Variants in CDH12 observed in about 807,000 individuals in gnomAD.
CDH12 encodes the protein cadherin 12.
Under a neutral mutation model 74.1 loss-of-function variants are expected in CDH12, and 41 were observed. That is an observed-to-expected ratio of 0.55 (90% confidence interval 0.43 to 0.72). The LOEUF is 0.72. Ranked by LOEUF, CDH12 falls within the 30% of genes least tolerant of loss-of-function variation. CDH12 has a pLI of 0.00. For missense variants in CDH12, 945 were observed against 977.2 expected (o/e 0.97, Z 0.44); for synonymous variants, 399 against 355.0 (o/e 1.12, Z -1.39).
In CDH12 at chr5:22,609,782, T is replaced by C. The variant is rs192157189; in HGVS notation, c.-522-104418A>G. On this transcript the variant is annotated intron_variant, in intron 1 of 14. Coordinates refer to ENST00000382254, the MANE Select transcript of CDH12 (RefSeq NM_004061.5). ...TTCCTTAAGTCTTCGGTAAAGTGTG[T>C]CATCTACTCAATGCTGTCTGTTTGT... Among the ~76,000 whole-genome samples, 16 of 152,376 alleles carry C rather than the reference T, an allele frequency of 1.1e-4. No homozygotes were observed. The East Asian group carries it at 2.9e-3, about 28-fold the overall frequency.
At position 21,884,886 on chromosome 5, in the gene CDH12, T is replaced by G. The variant is rs140217930; in HGVS notation, c.527-30096A>C. On this transcript the variant is annotated intron_variant, in intron 6 of 14. Transcript: ENST00000382254. ...TATTATAAAAGGCCCTGTTTTTTGCTTGTTTGCTTGTTTGTTGAGATGGAG... is the reference window on the plus strand; with the variant it reads ...TATTATAAAAGGCCCTGTTTTTTGCGTGTTTGCTTGTTTGTTGAGATGGAG... 2.2e-4 allele frequency among the ~76,000 whole-genome samples: 33 copies of G among 151,882 alleles called. No homozygotes were observed. In the East Asian group the frequency reaches 5.3e-3, roughly 24 times the overall value.
rs567867044 is a variant in CDH12 at position 21,891,064 on chromosome 5, T to C, written c.527-36274A>G. Reference sequence around the variant, plus strand: ...GCCTAAAATTTATGATATGTCAATATATCTACCACATACCTTTCCAAAGGA... The same window carrying C: ...GCCTAAAATTTATGATATGTCAATACATCTACCACATACCTTTCCAAAGGA... On this transcript the variant is annotated intron_variant, in intron 6 of 14. Coordinates refer to ENST00000382254, the MANE Select transcript of CDH12 (RefSeq NM_004061.5). Among the ~76,000 whole-genome samples the C allele has an allele frequency of 3.9e-5, 6 of 152,224 alleles. No homozygotes were observed. In the East Asian group the frequency reaches 7.7e-4, roughly 20 times the overall value.
At chr5:22,681,307 A>G (rs1741481848) in intron 1 of CDH12, among the ~76,000 whole-genome samples, 3 of 149,498 alleles carry the variant, frequency 2.0e-5, no homozygotes, top group African/African-American at 7.4e-5. Context: ...CTAACTATTG[A>G]AGGTTAATTT....
At chr5:22,487,692 A>C (rs1334637817) in intron 2 of CDH12, among the ~76,000 whole-genome samples, 1 of 152,162 alleles carries the variant, frequency 6.6e-6, no homozygotes, top group African/African-American at 2.4e-5. Flanking sequence ...GACTAATGGC[A>C]AAAAAATCAG....
chr5:22,516,226 A>C (rs1736801165), intron 1 of CDH12, among the ~76,000 whole-genome samples: 1 of 152,184 alleles, frequency 6.6e-6, no homozygotes, highest in Non-Finnish European at 1.5e-5. Flanking sequence ...ACTGACAAAA[A>C]TATAAATTAG....
At chr5:22,272,457 C>T (rs1316834532) in intron 3 of CDH12, among the ~76,000 whole-genome samples, 2 of 152,166 alleles carry the variant, frequency 1.3e-5, no homozygotes, top group African/African-American at 4.8e-5. Context: ...TGAAGTAGAT[C>T]TTTTAATATG....
chr5:22,550,753 A>G (rs2126732901), intron 1 of CDH12, among the ~76,000 whole-genome samples: 1 of 152,284 alleles, frequency 6.6e-6, no homozygotes, highest in South Asian at 2.1e-4. Flanking sequence ...TTTTCTGCTG[A>G]AAATATTTGT....
At chr5:22,450,966 G>T (rs1189380087) in intron 2 of CDH12, among the ~76,000 whole-genome samples, 1 of 145,292 alleles carries the variant, frequency 6.9e-6, no homozygotes, top group Non-Finnish European at 1.5e-5. Flanking sequence ...AGCTTAACAT[G>T]CCTGTTTCAT....
chr5:22,599,289 G>A (rs1241442914), intron 1 of CDH12, among the ~76,000 whole-genome samples: 14 of 152,116 alleles, frequency 9.2e-5, no homozygotes, highest in Admixed American at 9.2e-4. Context: ...ATACTGGGCT[G>A]GTGATAAGAT....
intron 5 of CDH12, among the ~76,000 whole-genome samples, chr5:22,047,982 T>C (rs972765952): frequency 6.6e-6 from 1 of 152,138 alleles, no homozygotes; most frequent in Non-Finnish European, 1.5e-5. Flanking sequence ...TTGAGAGACT[T>C]CATATTGTTT....
chr5:22,402,535 G>T (rs1007017270), intron 3 of CDH12, among the ~76,000 whole-genome samples: 2 of 152,192 alleles, frequency 1.3e-5, no homozygotes, highest in Non-Finnish European at 2.9e-5. Context: ...CAAGTGAGGT[G>T]TTGAGGGTGA....
intron 5 of CDH12, among the ~76,000 whole-genome samples, chr5:22,075,631 T>C (rs1170626353): frequency 1.3e-5 from 2 of 152,082 alleles, no homozygotes; most frequent in Non-Finnish European, 2.9e-5. Flanking sequence ...GTTATATGTA[T>C]TCTAACATGT....
At chr5:22,693,582 G>T (rs370537706) in intron 1 of CDH12, among the ~76,000 whole-genome samples, 1 of 151,734 alleles carries the variant, frequency 6.6e-6, no homozygotes, top group Non-Finnish European at 1.5e-5. Flanking sequence ...AACATTATTC[G>T]TAATGTTGTA....
intron 1 of CDH12, among the ~76,000 whole-genome samples, chr5:22,516,804 A>C (rs1736828436): frequency 6.6e-6 from 1 of 152,156 alleles, no homozygotes; most frequent in Non-Finnish European, 1.5e-5. Context: ...CAAAATAAAA[A>C]TTATAAGTAA....
intron 2 of CDH12, among the ~76,000 whole-genome samples, chr5:22,431,847 GT>G (rs1022175776): frequency 1.3e-3 from 204 of 152,284 alleles, no homozygotes; most frequent in African/African-American, 4.7e-3. Flanking sequence ...ACATGTTTGT[GT>G]TTTAATCTAA....
intron 6 of CDH12, among the ~76,000 whole-genome samples, chr5:21,893,565 CA>C (rs1282427543): frequency 2.6e-5 from 4 of 152,174 alleles, no homozygotes; most frequent in Non-Finnish European, 5.9e-5. Flanking sequence ...ACCCCAAAAT[CA>C]GTTTGGTAGC....
At chr5:21,938,723 C>CATATATATAT (rs545475183) in intron 6 of CDH12, among the ~76,000 whole-genome samples, 3,957 of 111,798 alleles carry the variant, frequency 0.035, 158 homozygotes, top group Admixed American at 0.063. Flanking sequence ...ATATAATATA[C>CATATATATAT]ATATATATAT....
intron 9 of CDH12, among the ~76,000 whole-genome samples, chr5:21,812,964 A>G (rs1036624629): frequency 2.6e-5 from 4 of 152,138 alleles, no homozygotes; most frequent in African/African-American, 9.7e-5. Flanking sequence ...GCTTGGTGTA[A>G]TTTACCAGAT....
intron 4 of CDH12, among the ~76,000 whole-genome samples, chr5:22,186,357 A>C (rs943421380): frequency 1.3e-5 from 2 of 152,240 alleles, no homozygotes; most frequent in Non-Finnish European, 2.9e-5. Flanking sequence ...ATTAATATCT[A>C]ACCATATAGT....
Sources: allele counts gnomAD v4.1 joint callset (sites outside exome capture counted in the v4.1 genomes callset), GRCh38; gene constraint gnomAD v4.1.1; transcripts MANE v1.5; gene names NCBI Gene and HGNC (gene_info 2026-07-23, HGNC 2026-07-21).